Variants in RSRC1 observed in about 807,000 individuals in gnomAD.
RSRC1 encodes arginine and serine rich coiled-coil 1.
Under a neutral mutation model 49.1 loss-of-function variants are expected in RSRC1, and 39 were observed. The ratio of observed to expected loss-of-function variants is 0.79; its 90% CI spans 0.61 to 1.04. The LOEUF is 1.04. Among genes scored for constraint, RSRC1 ranks in the 50% least tolerant of loss-of-function variants. The probability of loss-of-function intolerance (pLI) is 0.00; values close to 1 mark genes in which losing one functional copy is unlikely to be tolerated. For missense variants in RSRC1, 388 were observed against 402.4 expected (o/e 0.96, Z 0.31); for synonymous variants, 143 against 130.8 (o/e 1.09, Z -0.63).
At chr3:158,227,680 A>G (rs1722604666) in intron 4 of RSRC1, among the ~76,000 whole-genome samples, 1 of 152,072 alleles carries the variant, frequency 6.6e-6, no homozygotes, top group Non-Finnish European at 1.5e-5. Flanking sequence ...CTATTTGGAA[A>G]GCATTGGAGA....
At chr3:158,370,096 A>G (rs1731983216) in intron 6 of RSRC1, among the ~76,000 whole-genome samples, 1 of 152,044 alleles carries the variant, frequency 6.6e-6, no homozygotes, top group Non-Finnish European at 1.5e-5. Context: ...TTTTACCAAA[A>G]GTTAATATTT....
chr3:158,238,479 A>G (rs1723368528), intron 4 of RSRC1, among the ~76,000 whole-genome samples: 2 of 152,360 alleles, frequency 1.3e-5, no homozygotes, highest in South Asian at 4.1e-4. Flanking sequence ...CTACAAGGCT[A>G]CAGTAACCAA....
chr3:158,130,944 A>G (rs1247081674), intron 3 of RSRC1, among the ~76,000 whole-genome samples: 1 of 152,114 alleles, frequency 6.6e-6, no homozygotes, highest in Non-Finnish European at 1.5e-5. Context: ...CTGAAAACTG[A>G]GTTTTACATC....
At chr3:158,443,092 G>A (rs1736474468) in intron 6 of RSRC1, among the ~76,000 whole-genome samples, 1 of 152,086 alleles carries the variant, frequency 6.6e-6, no homozygotes, top group Non-Finnish European at 1.5e-5. Flanking sequence ...TAGAGCACAG[G>A]CAGAGTAGAT....
Position 158,545,472 on chromosome 3 carries a change from T to G in RSRC1, c.*1197T>G, listed in dbSNP as rs1348866441. 2 of 152,044 alleles carry G rather than the reference T, an allele frequency of 1.3e-5. No homozygotes were observed. The highest frequency in any genetic ancestry group is 2.4e-5 in the African/African-American group (1 of 41,398). 9.4% of individuals were successfully genotyped at this position (152,044 alleles called of 1,614,324 possible). ...ATTTAGTCTCTGCGAAGACTGTAGC[T>G]CAGAACAAAAGATAAGCAAAAAAAG... is the stretch of plus-strand genomic sequence containing the variant. On this transcript the variant is annotated 3_prime_UTR_variant, in exon 10 of 10. Coordinates refer to ENST00000611884, the MANE Select transcript of RSRC1 (RefSeq NM_001271838.2).
intron 3 of RSRC1, among the ~76,000 whole-genome samples, chr3:158,196,834 C>A (rs1720653343): frequency 6.6e-6 from 1 of 152,210 alleles, no homozygotes; most frequent in South Asian, 2.1e-4. Context: ...ACCAGACTTG[C>A]ATCCCAGGGA....
chr3:158,444,673 T>C (rs946836019), intron 6 of RSRC1, among the ~76,000 whole-genome samples: 5 of 152,082 alleles, frequency 3.3e-5, no homozygotes, highest in South Asian at 2.1e-4. Context: ...CTAATTAAAC[T>C]AAAGAGCTTC....
At chr3:158,370,712 T>A (rs1394379200) in intron 6 of RSRC1, among the ~76,000 whole-genome samples, 4 of 151,922 alleles carry the variant, frequency 2.6e-5, no homozygotes, top group African/African-American at 9.7e-5. Flanking sequence ...CTTATATGGA[T>A]GTTTGTGTAC....
At chr3:158,339,109 G>A (rs1227392699) in intron 5 of RSRC1, among the ~76,000 whole-genome samples, 1 of 151,884 alleles carries the variant, frequency 6.6e-6, no homozygotes, top group Non-Finnish European at 1.5e-5. Flanking sequence ...TGGCTAACAA[G>A]GTGAAACCCC....
chr3:158,180,771 C>A (rs1719558411), intron 3 of RSRC1, among the ~76,000 whole-genome samples: 1 of 147,390 alleles, frequency 6.8e-6, no homozygotes. Context: ...CTTAAAGAGT[C>A]CACAAAGAGT....
At chr3:158,193,930 G>C (rs998505830) in intron 3 of RSRC1, among the ~76,000 whole-genome samples, 3 of 152,012 alleles carry the variant, frequency 2.0e-5, no homozygotes, top group African/African-American at 7.2e-5. Context: ...AATAAATATT[G>C]TGAGTTCAGG....
chr3:158,341,598 A>T lies in RSRC1; in HGVS notation c.532-13259A>T, dbSNP rs990691156. Among the ~76,000 whole-genome samples, 6 of 152,342 alleles carry T rather than the reference A, an allele frequency of 3.9e-5. No homozygotes were observed. In the East Asian group the frequency reaches 1.2e-3, roughly 29 times the overall value. On this transcript the variant is annotated intron_variant, in intron 5 of 9. Coordinates refer to ENST00000611884, the MANE Select transcript of RSRC1 (RefSeq NM_001271838.2). ...GGTTGCCCAGGCAAAAGTTTGCTGCAGGAGCAGGGCCCTAATGGAGAACCT... is the reference window on the plus strand; with the variant it reads ...GGTTGCCCAGGCAAAAGTTTGCTGCTGGAGCAGGGCCCTAATGGAGAACCT...
At chr3:158,221,036 T>G (rs1241317733) in intron 4 of RSRC1, among the ~76,000 whole-genome samples, 1 of 151,622 alleles carries the variant, frequency 6.6e-6, no homozygotes, top group African/African-American at 2.4e-5. Context: ...AGTATTGATT[T>G]CTGAAAATTT....
At chr3:158,368,606 A>G (rs1388332735) in intron 6 of RSRC1, among the ~76,000 whole-genome samples, 1 of 152,214 alleles carries the variant, frequency 6.6e-6, no homozygotes, top group Non-Finnish European at 1.5e-5. Context: ...ACAGTTGCCA[A>G]TTCACTTGGG....
At chr3:158,204,483 A>G (rs900294702) in intron 4 of RSRC1, among the ~76,000 whole-genome samples, 1 of 152,096 alleles carries the variant, frequency 6.6e-6, no homozygotes, top group African/African-American at 2.4e-5. Flanking sequence ...ACAGGAGAGG[A>G]GTTAGAAGTT....
intron 4 of RSRC1, among the ~76,000 whole-genome samples, chr3:158,264,420 C>T (rs1369302562): frequency 6.6e-6 from 1 of 152,106 alleles, no homozygotes; most frequent in East Asian, 1.9e-4. Context: ...TGTATTTAGA[C>T]TTCTTTTATG....
intron 4 of RSRC1, among the ~76,000 whole-genome samples, chr3:158,264,617 T>G (rs879538945): frequency 1.3e-5 from 2 of 152,186 alleles, no homozygotes; most frequent in Non-Finnish European, 2.9e-5. Flanking sequence ...TCTCCAACCA[T>G]TATACTGGAT....
At chr3:158,380,924 T>TGG (rs979115200) in intron 6 of RSRC1, among the ~76,000 whole-genome samples, 2 of 152,206 alleles carry the variant, frequency 1.3e-5, no homozygotes, top group Non-Finnish European at 1.5e-5. Flanking sequence ...TTAAACTGTA[T>TGG]GGGTCTACTT....
chr3:158,436,943 T>C (rs545649007), intron 6 of RSRC1, among the ~76,000 whole-genome samples: 1 of 152,120 alleles, frequency 6.6e-6, no homozygotes, highest in African/African-American at 2.4e-5. Flanking sequence ...TAGCTAGTAA[T>C]GGATAGAGCC....
Sources: allele counts gnomAD v4.1 joint callset (sites outside exome capture counted in the v4.1 genomes callset), GRCh38; gene constraint gnomAD v4.1.1; transcripts MANE v1.5; gene names NCBI Gene and HGNC (gene_info 2026-07-23, HGNC 2026-07-21).